The following ABCA3 variants were observed in gnomAD, a reference collection of about 807,000 sequenced individuals.
ABCA3 encodes the protein ATP binding cassette subfamily A member 3, also known as phospholipid-transporting ATPase ABCA3.
A neutral mutation model predicts 172.8 loss-of-function variants in ABCA3; 88 were observed. That is an observed-to-expected ratio of 0.51 (90% CI 0.43 to 0.61). The LOEUF is 0.61. ABCA3 is among the 20% of genes least tolerant of loss of function. ABCA3 has a pLI of 0.00. For missense variants in ABCA3, 2,164 were observed against 2,301.0 expected, an observed-to-expected ratio of 0.94 and a Z score of 1.22; for synonymous variants, 1,066 against 983.8, an observed-to-expected ratio of 1.08 and a Z score of -1.56.
At chr16:2,331,988 A>C (rs1486095452) in intron 1 of ABCA3, among the ~76,000 whole-genome samples, 1 of 152,160 alleles carries the variant, frequency 6.6e-6, no homozygotes, top group African/African-American at 2.4e-5. Context: ...TAAACATCAC[A>C]CATATCATTG....
At chr16:2,298,718 A>C (rs948886022) in intron 14 of ABCA3, among the ~76,000 whole-genome samples, 178 bp from the exon 15 acceptor site, 1 of 152,046 alleles carries the variant, frequency 6.6e-6, no homozygotes, top group Non-Finnish European at 1.5e-5. Context: ...TGGGAAAAAG[A>C]AGCGGCATGG....
rs992169653 is a variant in ABCA3, at chr16:2,308,366, C to A, written c.1285+84G>T. On this transcript the variant is annotated intron_variant, in intron 11 of 32. Transcript: ENST00000301732. ...TGCCTGCCAACCGTCCCAGGTGGAG[C>A]CTTGCTGCTGGCGGCTCTTGTGGTT... 16 of 1,555,896 alleles carry A rather than the reference C, an allele frequency of 1.0e-5. No homozygotes were observed. In the African/African-American group the frequency reaches 2.0e-4, roughly 20 times the overall value.
chr16:2,334,743 C>T (rs1005241451), intron 1 of ABCA3, among the ~76,000 whole-genome samples: 16 of 151,752 alleles, frequency 1.1e-4, no homozygotes, highest in African/African-American at 3.4e-4. Flanking sequence ...GTCTTGAACT[C>T]CTGAACTCAG....
At chr16:2,324,649 C>T in intron 5 of ABCA3, 118 bp from the exon 6 acceptor site, 3 of 1,455,126 alleles carry the variant, frequency 2.1e-6, no homozygotes, top group African/African-American at 1.4e-5. Context: ...CTTTGTAAAC[C>T]CTTCCTGAGA....
In ABCA3 at chr16:2,283,076, G is replaced by T; in HGVS notation, c.4035+110C>A. 2 of 1,251,310 alleles carry T rather than the reference G, an allele frequency of 1.6e-6. No homozygotes were observed. Among genetic ancestry groups the T allele is most frequent in the Non-Finnish European group, 2.3e-6 (2 of 882,750 alleles). The allele number at this position is 1,251,310 out of a possible 1,614,324, so 77.5% of individuals were successfully genotyped here. On this transcript the variant is annotated intron_variant, in intron 26 of 32. Coordinates refer to ENST00000301732, the MANE Select transcript of ABCA3 (RefSeq NM_001089.3). This position sits in a 1 kb window ranked among gnomAD's most constrained non-coding sequence, Gnocchi z 5.4. ...GCCGTACAGTGGGAGACCATCTGGT[G>T]CAGGAGCTGCCTGGTGGAGAAGGAG...
intron 7 of ABCA3, among the ~76,000 whole-genome samples, chr16:2,320,697 T>C (rs9933691): frequency 6.6e-6 from 1 of 152,068 alleles, no homozygotes; most frequent in South Asian, 2.1e-4. Flanking sequence ...GCGCCCAGCC[T>C]GAGGGCTGAA....
In ABCA3 at chr16:2,313,733, G is replaced by A. The variant is rs144319355; in HGVS notation, c.1111+3550C>T. On this transcript the variant is annotated intron_variant, in intron 10 of 32. Coordinates refer to ENST00000301732, the MANE Select transcript of ABCA3 (RefSeq NM_001089.3). ...CAGCCTGGACAACATGGCAAAACAC[G>A]GTTTCTACAAAAATAGCTGGGTATG... 5.5e-3 allele frequency among the ~76,000 whole-genome samples: 834 copies of A among 150,778 alleles called. 10 individuals are homozygous for A. Among genetic ancestry groups the A allele is most frequent in the African/African-American group, 0.019 (764 of 41,136 alleles).
In ABCA3 at chr16:2,288,058, T is replaced by C; in HGVS notation, c.2972A>G (p.Gln991Arg). 6.2e-7 allele frequency: 1 copy of C among 1,611,802 alleles called. No individual in the cohort carries two copies. Among genetic ancestry groups the C allele is most frequent in the South Asian group, 1.1e-5 (1 of 91,076 alleles). ...CTCGCGGGGCTCCTGTCCCTCAGCC[T>C]GCAGTGCGTCTTTCAGATGCTCTGA... The part of the protein sequence containing the change: ...QLSEHLKDAL[Q>R]AEGQEPREVL... The change falls in exon 21 of 33, where the codon CAG (glutamine) becomes CGG (arginine). Residue 991 changes from glutamine (Q) to arginine (R), a missense_variant. Physicochemically the swap from Gln to Arg is conservative, Grantham distance 43. Transcript: ENST00000301732.
At position 2,279,891 on chromosome 16, in the gene ABCA3, C is replaced by T. The variant is rs2093652474; in HGVS notation, c.4360-761G>A. Among the ~76,000 whole-genome samples, 1 of 152,086 alleles carries T rather than the reference C, an allele frequency of 6.6e-6. No individual in the cohort carries two copies. The highest frequency in any genetic ancestry group is 6.6e-5 in the Admixed American group (1 of 15,264). Reference sequence around the variant, plus strand: ...GCTCCCGAGTAGCTAGGATTATAGGCACCTGCCACCATGCCCTGCTAATTT... The same window carrying T: ...GCTCCCGAGTAGCTAGGATTATAGGTACCTGCCACCATGCCCTGCTAATTT... On this transcript the variant is annotated intron_variant, in intron 28 of 32. Coordinates refer to ENST00000301732, the MANE Select transcript of ABCA3 (RefSeq NM_001089.3). This position sits in a 1 kb window ranked among gnomAD's most constrained non-coding sequence, Gnocchi z 4.4.
At chr16:2,334,537 C>T (rs1446299943) in intron 1 of ABCA3, among the ~76,000 whole-genome samples, 22 of 145,026 alleles carry the variant, frequency 1.5e-4, no homozygotes, top group Admixed American at 1.2e-3. Context: ...TTTTTTGAGA[C>T]GGCATCTCGC....
At position 2,278,912 on chromosome 16, in the gene ABCA3, T is replaced by C; in HGVS notation, c.4547+31A>G. 2 of 1,613,004 alleles carry C rather than the reference T, an allele frequency of 1.2e-6. No individual in the cohort carries two copies. The highest frequency in any genetic ancestry group is 1.1e-5 in the South Asian group (1 of 91,080). Reference sequence around the variant, plus strand: ...ATGGGGACCTTGATTCTGACTCCACTCTGGGAAGGGCCAGGGCTCGGGAGG... The same window carrying C: ...ATGGGGACCTTGATTCTGACTCCACCCTGGGAAGGGCCAGGGCTCGGGAGG... On this transcript the variant is annotated intron_variant, in intron 29 of 32. Transcript: ENST00000301732. This position sits in a 1 kb window ranked among gnomAD's most constrained non-coding sequence, Gnocchi z 4.4.
rs957891971 is a variant in ABCA3 at position 2,287,192 on chromosome 16, C to A, written c.3005-225G>T. Among the ~76,000 whole-genome samples the A allele has an allele frequency of 6.6e-6, 1 of 152,158 alleles. No homozygotes were observed. The highest frequency in any genetic ancestry group is 6.5e-5 in the Admixed American group (1 of 15,278). On this transcript the variant is annotated intron_variant, in intron 21 of 32. Coordinates refer to ENST00000301732, the MANE Select transcript of ABCA3 (RefSeq NM_001089.3). This position sits in a 1 kb window ranked among gnomAD's most constrained non-coding sequence, Gnocchi z 4.1. ...CAGTCAGGAACCGGGAAAGGAGCTG[C>A]AAAATAAGAAAACCTTCCAGTAGGT...
intron 12 of ABCA3, among the ~76,000 whole-genome samples, chr16:2,303,347 C>T (rs2093692480): frequency 6.6e-6 from 1 of 151,184 alleles, no homozygotes. Flanking sequence ...CTGCAAGCTC[C>T]GCCTCCCAGG....
chr16:2,310,985 T>C (rs368316245), intron 10 of ABCA3, among the ~76,000 whole-genome samples: 14 of 152,076 alleles, frequency 9.2e-5, no homozygotes, highest in African/African-American at 3.4e-4. Flanking sequence ...TCTTTTTTTT[T>C]CTTTTTTGAG....
chr16:2,293,763 G>A (rs894140834), intron 18 of ABCA3, among the ~76,000 whole-genome samples: 1 of 151,386 alleles, frequency 6.6e-6, no homozygotes, highest in Admixed American at 6.6e-5. Context: ...GGATGGTCTC[G>A]ATCTCCTGAC....
intron 10 of ABCA3, among the ~76,000 whole-genome samples, chr16:2,315,753 A>T (rs2093714252): frequency 6.6e-6 from 1 of 151,300 alleles, no homozygotes; most frequent in African/African-American, 2.4e-5. Flanking sequence ...AACATCCGCC[A>T]CCTGGGCTTA....
At chr16:2,328,120 T>TG (rs967409977) in intron 3 of ABCA3, among the ~76,000 whole-genome samples, 2 of 147,948 alleles carry the variant, frequency 1.4e-5, no homozygotes, top group African/African-American at 5.4e-5. Context: ...GCACATATAA[T>TG]GGGGAAAAAA....
chr16:2,289,798 T>C (rs139510420), intron 19 of ABCA3, among the ~76,000 whole-genome samples, 178 bp from the exon 20 acceptor site: 8 of 152,286 alleles, frequency 5.3e-5, no homozygotes, highest in African/African-American at 1.9e-4. Context: ...AGCTAATTTT[T>C]GTATTTTTAG....
At chr16:2,338,059 G>C (rs1428455898) in intron 1 of ABCA3, among the ~76,000 whole-genome samples, 4 of 152,222 alleles carry the variant, frequency 2.6e-5, no homozygotes, top group African/African-American at 9.6e-5. Context: ...CAGCCAGCTA[G>C]CTGTTCTGCC....
Sources: gnomAD v4.1 joint callset for allele counts (sites outside exome capture counted in the v4.1 genomes callset) on GRCh38, gnomAD v4.1.1 for gene constraint, Gnocchi (gnomAD v3.1) non-coding constraint, MANE v1.5 for transcripts, NCBI Gene and HGNC (gene_info 2026-07-23, HGNC 2026-07-21) for gene names.